The following NSMCE1 variants were observed in gnomAD, a reference collection of about 807,000 sequenced individuals.
The protein encoded by NSMCE1 is NSE1 component of SMC5/6 complex.
In NSMCE1, 18 loss-of-function variants were observed where a neutral mutation model predicts 29.6. The observed-to-expected ratio is 0.61, with a 90% CI of 0.42 to 0.90. The LOEUF is 0.90. Ranked by LOEUF, NSMCE1 falls within the 40% of genes least tolerant of loss-of-function variation. NSMCE1 has a pLI of 0.00. For synonymous variants in NSMCE1, 124 were observed against 133.4 expected (o/e 0.93, Z 0.49); for missense variants, 314 against 343.6 (o/e 0.91, Z 0.68).
chr16:27,249,894 C>T (rs2084004729), intron 2 of NSMCE1, among the ~76,000 whole-genome samples: 1 of 152,212 alleles, frequency 6.6e-6, no homozygotes, highest in African/African-American at 2.4e-5. Flanking sequence ...AGCCCATGAA[C>T]ATGCTATGTC....
At chr16:27,243,081 T>C (rs2083911584) in intron 2 of NSMCE1, among the ~76,000 whole-genome samples, 1 of 152,236 alleles carries the variant, frequency 6.6e-6, no homozygotes, top group South Asian at 2.1e-4. Flanking sequence ...CGGCACGCAT[T>C]CTACCAAAGA....
At chr16:27,230,102 G>A (rs988523015) in intron 5 of NSMCE1, among the ~76,000 whole-genome samples, 2 of 151,956 alleles carry the variant, frequency 1.3e-5, no homozygotes, top group African/African-American at 4.8e-5. Context: ...GAGGTGCGCC[G>A]ATCAGCAGAC....
intron 2 of NSMCE1, among the ~76,000 whole-genome samples, chr16:27,249,560 G>T (rs1013715121): frequency 6.6e-6 from 1 of 152,172 alleles, no homozygotes; most frequent in Admixed American, 6.5e-5. Flanking sequence ...TTGCACTTCT[G>T]TCAAAAATCA....
chr16:27,251,180 AT>A (rs1567281208), intron 2 of NSMCE1, among the ~76,000 whole-genome samples: 695 of 59,142 alleles, frequency 0.012, 15 homozygotes, highest in African/African-American at 0.024. Context: ...ATATATATAT[AT>A]ATATATATAA....
intron 2 of NSMCE1, among the ~76,000 whole-genome samples, chr16:27,255,862 A>G (rs185059039): frequency 1.4e-4 from 22 of 152,282 alleles, no homozygotes; most frequent in Non-Finnish European, 2.8e-4. Flanking sequence ...GTCCCTTCAC[A>G]TTTTGAAAAG....
At chr16:27,241,287 T>C (rs558333193) in intron 2 of NSMCE1, 31 of 152,314 alleles carry the variant, frequency 2.0e-4, no homozygotes, top group African/African-American at 6.3e-4. Flanking sequence ...AATGTTATTT[T>C]TAGGCAGAGG....
At chr16:27,239,143 T>C (rs1158990791) in intron 2 of NSMCE1, among the ~76,000 whole-genome samples, 1 of 152,188 alleles carries the variant, frequency 6.6e-6, no homozygotes, top group East Asian at 1.9e-4. Context: ...GTTTTGGGAT[T>C]ACAGGCGTGA....
In NSMCE1 at chr16:27,225,051, A is replaced by T. The variant is rs1437846760; in HGVS notation, c.*106T>A. 1 of 687,196 alleles carries T rather than the reference A, an allele frequency of 1.5e-6. No individual in the cohort carries two copies. The highest frequency in any genetic ancestry group is 2.6e-6 in the Non-Finnish European group (1 of 380,762). 42.6% of individuals were successfully genotyped at this position (687,196 alleles called of 1,614,324 possible). On this transcript the variant is annotated 3_prime_UTR_variant, in exon 8 of 8. Transcript: ENST00000361439. Reference sequence around the variant, plus strand: ...GCTGTGGACGGTGAACATTAAGACGAAAGAGGTGACTCGCGTGGAACCTGA... The same window carrying T: ...GCTGTGGACGGTGAACATTAAGACGTAAGAGGTGACTCGCGTGGAACCTGA...
chr16:27,240,189 T>C (rs1358558453), intron 2 of NSMCE1, among the ~76,000 whole-genome samples: 5 of 152,132 alleles, frequency 3.3e-5, no homozygotes, highest in African/African-American at 1.2e-4. Context: ...ACATCCTCTA[T>C]ACCAGACCCC....
At chr16:27,233,225 A>G (rs2083781153) in intron 4 of NSMCE1, 78 bp from the exon 5 acceptor site, 1 of 1,368,082 alleles carries the variant, frequency 7.3e-7, no homozygotes, top group East Asian at 2.3e-5. Flanking sequence ...CAAGTCTGGC[A>G]GAGGCACAGT....
At chr16:27,236,234 G>A (rs1035493651) in intron 2 of NSMCE1, among the ~76,000 whole-genome samples, 2 of 151,892 alleles carry the variant, frequency 1.3e-5, no homozygotes, top group Non-Finnish European at 2.9e-5. Flanking sequence ...GGAAGCCTCT[G>A]AGCACTGGAA....
rs145162086 is a variant in NSMCE1, at chr16:27,262,105, G to A, written c.-11-4524C>T. On this transcript the variant is annotated intron_variant, in intron 1 of 7. Transcript: ENST00000361439. ...CCAAAAATACAAAAATTGGTTGGGC[G>A]GGGTGGCACGCGCCTGTAATCCCAG... Among the ~76,000 whole-genome samples, 1,445 of 152,138 alleles carry A rather than the reference G, an allele frequency of 9.5e-3. 20 individuals carry two copies. The highest frequency in any genetic ancestry group is 0.033 in the African/African-American group (1,373 of 41,510).
chr16:27,236,706 GA>G (rs1332086349), intron 2 of NSMCE1, among the ~76,000 whole-genome samples: 1 of 151,630 alleles, frequency 6.6e-6, no homozygotes, highest in Non-Finnish European at 1.5e-5. Context: ...AATCATTCTG[GA>G]AAAAAAACTG....
chr16:27,235,244 C>T lies in NSMCE1; in HGVS notation c.192G>A (p.Leu64=). The T allele has an allele frequency of 6.2e-7, 1 of 1,613,632 alleles. No homozygotes were observed. Among genetic ancestry groups the T allele is most frequent in the South Asian group, 1.1e-5 (1 of 91,056 alleles). ...TCTTTATCTCAATATACAAGGACTC[C>T]AAGACACTGTTAATGTTGTTGATGA... is the stretch of plus-strand genomic sequence containing the variant. ...EDFINNINSV[L]ESLYIEIKRG... Residue 64 remains leucine (L), a synonymous_variant, in exon 3 of 8, where the codon TTG becomes TTA. Transcript: ENST00000361439.
At chr16:27,226,961 C>T in intron 5 of NSMCE1, 125 bp from the exon 6 acceptor site, 1 of 656,364 alleles carries the variant, frequency 1.5e-6, no homozygotes. Context: ...AGCTTTTCAC[C>T]AACCCCAGCC....
Position 27,232,900 on chromosome 16 carries a change from C to T in NSMCE1, c.483+101G>A, listed in dbSNP as rs191686252. ...AAGCAGATAAGGGATCCGAGAAGGC[C>T]GGGCTCCTCAGACATCAGTTGGCTA... On this transcript the variant is annotated intron_variant, in intron 5 of 7. Transcript: ENST00000361439. The surrounding 1 kb of genome is among the most constrained non-coding windows in gnomAD (Gnocchi z 4.5). 5.3e-5 allele frequency: 67 copies of T among 1,254,234 alleles called. No individual in the cohort carries two copies. The African/African-American group carries it at 7.3e-4, about 14-fold the overall frequency. The allele number at this position is 1,254,234 out of a possible 1,614,324, so 77.7% of individuals were successfully genotyped here. A position where few individuals can be genotyped will look rare whatever the true frequency, so the allele number is the denominator to read the frequency against.
intron 3 of NSMCE1, among the ~76,000 whole-genome samples, chr16:27,234,693 C>T (rs991590909): frequency 2.0e-5 from 3 of 152,134 alleles, no homozygotes; most frequent in Admixed American, 1.3e-4. Flanking sequence ...CTAGAGTGCC[C>T]CTTTCTGAGT....
At chr16:27,264,232 G>A (rs1266057162) in intron 1 of NSMCE1, among the ~76,000 whole-genome samples, 1 of 152,112 alleles carries the variant, frequency 6.6e-6, no homozygotes, top group Non-Finnish European at 1.5e-5. Context: ...AAATCGCTGG[G>A]CATGATGGTA....
intron 1 of NSMCE1, among the ~76,000 whole-genome samples, chr16:27,265,270 C>A (rs1475890801): frequency 1.4e-5 from 2 of 140,720 alleles, no homozygotes; most frequent in African/African-American, 5.2e-5. Flanking sequence ...TGGGCTCAAT[C>A]GATCCTCTGA....
Sources: gnomAD v4.1 joint callset for allele counts (sites outside exome capture counted in the v4.1 genomes callset) on GRCh38, gnomAD v4.1.1 for gene constraint, Gnocchi (gnomAD v3.1) non-coding constraint, MANE v1.5 for transcripts, NCBI Gene and HGNC (gene_info 2026-07-23, HGNC 2026-07-21) for gene names.